CNBD2: variants seen among roughly 807,000 people sequenced by gnomAD.
CNBD2 encodes cyclic nucleotide binding domain containing 2.
In CNBD2, 64 loss-of-function variants were observed where a neutral mutation model predicts 63.7. That is an observed-to-expected ratio of 1.00 (90% CI 0.82 to 1.24). The LOEUF is 1.24. CNBD2 is among the 50% of genes most tolerant of loss of function. CNBD2 has a pLI of 0.00. For synonymous variants in CNBD2, 229 were observed against 255.4 expected, an observed-to-expected ratio of 0.90 and a Z score of 0.99; for missense variants, 691 against 713.5, an observed-to-expected ratio of 0.97 and a Z score of 0.36.
At chr20:35,970,789 C>T (rs1004106400) in intron 1 of CNBD2, among the ~76,000 whole-genome samples, 3 of 152,202 alleles carry the variant, frequency 2.0e-5, no homozygotes, top group Non-Finnish European at 4.4e-5. Context: ...GATCATAGCT[C>T]ATTGCAACCT....
chr20:35,989,028 A>G (rs1294041949), intron 7 of CNBD2, among the ~76,000 whole-genome samples: 1 of 152,188 alleles, frequency 6.6e-6, no homozygotes, highest in Non-Finnish European at 1.5e-5. Context: ...TGCTTACTGT[A>G]TGCCAGGTTC....
chr20:36,003,803 G>T (rs111650620), intron 8 of CNBD2, among the ~76,000 whole-genome samples: 6,069 of 152,048 alleles, frequency 0.04, 265 homozygotes, highest in African/African-American at 0.11. Flanking sequence ...CTACTTGGGA[G>T]GCTGAGGCAG....
intron 2 of CNBD2, among the ~76,000 whole-genome samples, chr20:35,963,346 T>TA (rs780161171): frequency 0.037 from 4,788 of 128,846 alleles, 268 homozygotes; most frequent in African/African-American, 0.13. Flanking sequence ...GTCTCCAAAT[T>TA]AAAAAAAAAA....
chr20:36,026,322 C>G (rs2590963), intron 11 of CNBD2, among the ~76,000 whole-genome samples: 25 of 152,094 alleles, frequency 1.6e-4, no homozygotes, highest in African/African-American at 5.8e-4. Flanking sequence ...CATGAGCCAC[C>G]GCGCCTGGCC....
Position 35,987,454 on chromosome 20 carries a change from C to T in CNBD2, c.776C>T (p.Ala259Val), listed in dbSNP as rs773300864. 90 of 1,613,972 alleles carry T rather than the reference C, an allele frequency of 5.6e-5. No homozygotes were observed. Among genetic ancestry groups the T allele is most frequent in the Non-Finnish European group, 6.6e-5 (78 of 1,179,996 alleles). ...DEKLWQLVAM[A>V]KIERFSYGQL... ...AAGCTCTGGCAGCTGGTAGCCATGGCGAAGATAGAGAGGTTCTCGTATGGG... is the reference window on the plus strand; with the variant it reads ...AAGCTCTGGCAGCTGGTAGCCATGGTGAAGATAGAGAGGTTCTCGTATGGG... The change falls in exon 7 of 12, where the codon GCG (alanine) becomes GTG (valine). Residue 259 changes from alanine to valine, a missense_variant. Coordinates refer to ENST00000373973, the MANE Select transcript of CNBD2 (RefSeq NM_001365709.1).
chr20:36,000,971 A>G (rs1433668062), intron 8 of CNBD2, among the ~76,000 whole-genome samples: 1 of 150,754 alleles, frequency 6.6e-6, no homozygotes, highest in Non-Finnish European at 1.5e-5. Context: ...GCTGCCTTCA[A>G]GCATCTGTTT....
intron 11 of CNBD2, among the ~76,000 whole-genome samples, chr20:36,027,002 C>T (rs544402895): frequency 1.3e-5 from 2 of 152,296 alleles, no homozygotes; most frequent in South Asian, 4.1e-4. Context: ...ATGTGATGGG[C>T]CATACTCATT....
chr20:36,005,868 G>A (rs763628610), intron 8 of CNBD2, among the ~76,000 whole-genome samples: 7 of 151,606 alleles, frequency 4.6e-5, no homozygotes, highest in Non-Finnish European at 1.0e-4. Flanking sequence ...GGAGAATGGT[G>A]TGAACTTGGG....
At chr20:36,009,403 C>A (rs183438804) in intron 9 of CNBD2, among the ~76,000 whole-genome samples, 2 of 151,726 alleles carry the variant, frequency 1.3e-5, no homozygotes, top group Admixed American at 6.6e-5. Context: ...GAGGTTTCAC[C>A]GTATTAGCCA....
At chr20:36,025,895 A>T (rs2057276942) in intron 11 of CNBD2, among the ~76,000 whole-genome samples, 1 of 152,162 alleles carries the variant, frequency 6.6e-6, no homozygotes, top group African/African-American at 2.4e-5. Context: ...TTACTGTACC[A>T]ATATATATTA....
chr20:36,030,331 C>T (rs776076347), intron 11 of CNBD2, 26 bp from the exon 12 acceptor site: 1 of 1,610,542 alleles, frequency 6.2e-7, no homozygotes, highest in East Asian at 2.2e-5. Flanking sequence ...GGCATGAGAA[C>T]CTCGGCTTCT....
At position 36,015,237 on chromosome 20, in the gene CNBD2, T is replaced by C. The variant is rs980875771; in HGVS notation, c.1269+3980T>C. Among the ~76,000 whole-genome samples, 5 of 152,364 alleles carry C rather than the reference T, an allele frequency of 3.3e-5. No individual in the cohort carries two copies. The East Asian group carries it at 9.6e-4, about 29-fold the overall frequency. On this transcript the variant is annotated intron_variant, in intron 10 of 11. Transcript: ENST00000373973. ...GTTTGATTTCTTGAGACTGTGTTGT[T>C]TAAGTTCATTATACATTTTAGTTAT...
Position 35,984,703 on chromosome 20 carries a change from AC to A in CNBD2, c.643del (p.Arg215GlyfsTer42), listed in dbSNP as rs752045110. ...CMEETEFLVV[D>X]REDFFANKLD... is the part of the protein sequence containing the mutation. ...GAAGAAACGGAGTTCCTGGTTGTTG[AC>A]CGGGAGGACTTCTTTGCTAATAAGC... On this transcript the variant is annotated frameshift_variant, in exon 6 of 12. Transcript: ENST00000373973. LOFTEE classifies it high-confidence loss of function. 3 of 1,614,182 alleles carry A rather than the reference AC, an allele frequency of 1.9e-6. No individual in the cohort carries two copies. The highest frequency in any genetic ancestry group is 3.3e-5 in the Admixed American group (2 of 60,020).
intron 2 of CNBD2, chr20:35,973,142 A>G (rs2056446467): frequency 2.8e-6 from 1 of 357,518 alleles, no homozygotes; most frequent in Non-Finnish European, 5.0e-6. Flanking sequence ...CAAATTCATC[A>G]AAGAGTTTAA....
In CNBD2 at chr20:36,008,283, G is replaced by A; in HGVS notation, c.971-14G>A. ...AAGATCCATAAGTATCTTTTCCTGTGCTTTCTCTAACAGAATACTCTCCTA... is the reference window on the plus strand; with the variant it reads ...AAGATCCATAAGTATCTTTTCCTGTACTTTCTCTAACAGAATACTCTCCTA... On this transcript the variant is annotated splice_polypyrimidine_tract_variant and intron_variant, in intron 8 of 11. Transcript: ENST00000373973. The A allele has an allele frequency of 6.3e-7, 1 of 1,592,682 alleles. No homozygotes were observed.
chr20:36,008,305 C>T lies in CNBD2; in HGVS notation c.979C>T (p.Pro327Ser). 6.2e-7 allele frequency: 1 copy of T among 1,610,118 alleles called. No individual in the cohort carries two copies. Among genetic ancestry groups the T allele is most frequent in the Non-Finnish European group, 8.5e-7 (1 of 1,178,522 alleles). Residue 327 changes from proline (P) to serine (S), a missense_variant, in exon 9 of 12, where the codon CCT becomes TCT. Physicochemically the swap from Pro to Ser is moderately conservative, Grantham distance 74. Transcript: ENST00000373973. Reference sequence around the variant, plus strand: ...TGTGCTTTCTCTAACAGAATACTCTCCTATGGAAAGATTTAAGGAATTCCA... The same window carrying T: ...TGTGCTTTCTCTAACAGAATACTCTTCTATGGAAAGATTTAAGGAATTCCA... Reference protein sequence around the residue: ...PLKTHLSEYSPMERFKEFQIK... With the variant: ...PLKTHLSEYSSMERFKEFQIK...
chr20:36,020,681 C>CAT (rs1315371701), intron 10 of CNBD2, among the ~76,000 whole-genome samples: 1 of 152,024 alleles, frequency 6.6e-6, no homozygotes, highest in Non-Finnish European at 1.5e-5. Context: ...GGTGTAAATT[C>CAT]ATATATATAT....
downstream of CNBD2, among the ~76,000 whole-genome samples, chr20:35,956,190 AC>A (rs2056255030): frequency 1.3e-5 from 2 of 152,052 alleles, no homozygotes; most frequent in Admixed American, 6.5e-5. Context: ...TATAAAACTT[AC>A]CCCTACCATA....
Position 35,980,506 on chromosome 20 carries a change from C to T in CNBD2, c.291C>T (p.Ser97=), listed in dbSNP as rs1336242325. Reference sequence around the variant, plus strand: ...TTCAGATCATGCAGAAGAAGCCTTCCTGGAGAACAGAGGATGAGATCCAGG... The same window carrying T: ...TTCAGATCATGCAGAAGAAGCCTTCTTGGAGAACAGAGGATGAGATCCAGG... ...KAIQIMQKKP[S]WRTEDEIQAV... The change falls in exon 4 of 12, where the codon TCC becomes TCT. Residue 97 remains serine, a synonymous_variant. Transcript: ENST00000373973. The T allele has an allele frequency of 6.2e-7, 1 of 1,614,068 alleles. No homozygotes were observed. Among genetic ancestry groups the T allele is most frequent in the African/African-American group, 1.3e-5 (1 of 74,930 alleles).
Sources: gnomAD v4.1 joint callset for allele counts (sites outside exome capture counted in the v4.1 genomes callset) on GRCh38, gnomAD v4.1.1 for gene constraint, MANE v1.5 for transcripts, NCBI Gene and HGNC (gene_info 2026-07-23, HGNC 2026-07-21) for gene names.